ARHGAP6: variants seen among roughly 807,000 people sequenced by gnomAD.
ARHGAP6 encodes the protein rho GTPase-activating protein 6.
ARHGAP6 carries 16 observed loss-of-function variants against 55.7 expected under a neutral mutation model. That is an observed-to-expected ratio of 0.29 (90% CI 0.19 to 0.44). The LOEUF is 0.44. Among genes scored for constraint, ARHGAP6 ranks in the 20% least tolerant of loss-of-function variants. ARHGAP6 has a pLI of 1.00. For missense variants in ARHGAP6, 698 were observed against 808.9 expected, an observed-to-expected ratio of 0.86 and a Z score of 1.66; for synonymous variants, 382 against 360.9, an observed-to-expected ratio of 1.06 and a Z score of -0.66.
Position 11,144,107 on chromosome X carries a change from A to G in ARHGAP6, c.2049T>C (p.Ala683=), listed in dbSNP as rs772945585. ...SPVLSERSLL[A]MQEDAAPGGS... ...CCCCCGGGGCCGCGTCCTCTTGCAT[A>G]GCCAGCAGGGAGCGCTCAGACAGCA... is the stretch of plus-strand genomic sequence containing the variant. The change falls in exon 11 of 13, where the codon GCT becomes GCC. Residue 683 remains alanine, a synonymous_variant. Transcript: ENST00000337414. The G allele has an allele frequency of 5.0e-5, 60 of 1,209,741 alleles. No homozygotes were observed. Among genetic ancestry groups the G allele is most frequent in the Non-Finnish European group, 6.5e-5 (58 of 894,948 alleles).
At chrX:11,249,852 TTA>T (rs2047400271) in intron 2 of ARHGAP6, among the ~76,000 whole-genome samples, 1 of 111,734 alleles carries the variant, frequency 8.9e-6, no homozygotes. Context: ...CTCTCTTTGT[TTA>T]TGTTTTCTGG....
chrX:11,622,221 G>A (rs112231791), intron 1 of ARHGAP6, among the ~76,000 whole-genome samples: 3,418 of 111,903 alleles, frequency 0.031, 70 homozygotes, highest in Middle Eastern at 0.073. Flanking sequence ...TGAAAAACAA[G>A]TGACATTGCT....
intron 1 of ARHGAP6, among the ~76,000 whole-genome samples, chrX:11,511,798 C>T (rs921452697): frequency 5.4e-5 from 6 of 111,066 alleles, no homozygotes; most frequent in African/African-American, 2.0e-4. Context: ...TCACAAGCAG[C>T]CTTGTCCTTT....
At chrX:11,598,748 T>C (rs1238539544) in intron 1 of ARHGAP6, among the ~76,000 whole-genome samples, 1 of 112,207 alleles carries the variant, frequency 8.9e-6, no homozygotes, top group Non-Finnish European at 1.9e-5. Flanking sequence ...TCTAAATACA[T>C]AATTTCCATT....
At chrX:11,363,040 A>T (rs938808375) in intron 1 of ARHGAP6, among the ~76,000 whole-genome samples, 7 of 112,231 alleles carry the variant, frequency 6.2e-5, no homozygotes, top group African/African-American at 1.6e-4. Context: ...GAAGAAAAAA[A>T]ATAAAACCAT....
intron 1 of ARHGAP6, among the ~76,000 whole-genome samples, chrX:11,439,822 A>G (rs2050023035): frequency 8.9e-6 from 1 of 112,532 alleles, no homozygotes; most frequent in Non-Finnish European, 1.9e-5. Flanking sequence ...TGTCTGTAGA[A>G]AGCACCTGCA....
At chrX:11,254,402 G>T in intron 2 of ARHGAP6, 146 bp downstream of exon 2, 1 of 746,055 alleles carries the variant, frequency 1.3e-6, no homozygotes, top group Non-Finnish European at 1.9e-6. Flanking sequence ...CCTTCAAATG[G>T]ACACTAATGC....
intron 1 of ARHGAP6, among the ~76,000 whole-genome samples, chrX:11,326,896 AAAT>A (rs1186698197): frequency 3.6e-5 from 4 of 112,019 alleles, no homozygotes; most frequent in African/African-American, 1.3e-4. Context: ...TTATTTCATT[AAAT>A]AATGCCATGG....
intron 9 of ARHGAP6, among the ~76,000 whole-genome samples, chrX:11,158,855 A>T (rs183930976): frequency 1.8e-5 from 2 of 112,361 alleles, no homozygotes; most frequent in East Asian, 5.6e-4. Context: ...TACAAACCAA[A>T]CAGACAATAA....
At chrX:11,391,874 A>G (rs895715970) in intron 1 of ARHGAP6, among the ~76,000 whole-genome samples, 2 of 111,907 alleles carry the variant, frequency 1.8e-5, no homozygotes, top group East Asian at 5.6e-4. Flanking sequence ...TGCATTTTGC[A>G]ATGTCAACAG....
chrX:11,156,771 G>A (rs1421729394), intron 9 of ARHGAP6, 145 bp from the exon 10 acceptor site: 8 of 449,611 alleles, frequency 1.8e-5, no homozygotes, highest in Middle Eastern at 4.0e-4. Flanking sequence ...CCAAACCTAC[G>A]CCAACCCATG....
chrX:11,429,307 A>G (rs1366572777), intron 1 of ARHGAP6, among the ~76,000 whole-genome samples: 2 of 112,091 alleles, frequency 1.8e-5, no homozygotes, highest in Non-Finnish European at 3.8e-5. Context: ...AATAGGTGTC[A>G]TAACAGTGGT....
intron 1 of ARHGAP6, among the ~76,000 whole-genome samples, chrX:11,418,336 C>T (rs754673302): frequency 1.8e-5 from 2 of 112,113 alleles, no homozygotes; most frequent in South Asian, 3.7e-4. Flanking sequence ...TACTTAGCTG[C>T]AACCATTCCT....
intron 2 of ARHGAP6, among the ~76,000 whole-genome samples, chrX:11,245,836 T>C (rs934319833): frequency 8.9e-5 from 10 of 112,230 alleles, no homozygotes; most frequent in Middle Eastern, 4.6e-3. Flanking sequence ...CAACCTGCTG[T>C]TCTAAGACAA....
At chrX:11,346,160 G>A (rs1030205184) in intron 1 of ARHGAP6, among the ~76,000 whole-genome samples, 3 of 111,317 alleles carry the variant, frequency 2.7e-5, no homozygotes, top group African/African-American at 9.8e-5. Context: ...TGTAGACTGT[G>A]GACAGATAAG....
intron 1 of ARHGAP6, among the ~76,000 whole-genome samples, chrX:11,533,846 T>C (rs1305301337): frequency 8.9e-6 from 1 of 112,309 alleles, no homozygotes; most frequent in African/African-American, 3.2e-5. Context: ...TTACCATATT[T>C]TGTCCAAAAT....
chrX:11,216,514 G>A (rs1257522480), intron 2 of ARHGAP6, among the ~76,000 whole-genome samples: 2 of 111,374 alleles, frequency 1.8e-5, no homozygotes, highest in Non-Finnish European at 3.8e-5. Context: ...TTAGCCAGGC[G>A]TGGTGGCATG....
intron 1 of ARHGAP6, among the ~76,000 whole-genome samples, chrX:11,492,928 G>A (rs1458371734): frequency 1.8e-5 from 2 of 111,469 alleles, no homozygotes; most frequent in African/African-American, 6.5e-5. Context: ...TTCATACTCA[G>A]TTTCACTCCT....
intron 1 of ARHGAP6, among the ~76,000 whole-genome samples, chrX:11,352,254 C>T (rs1303286888): frequency 1.8e-5 from 2 of 111,887 alleles, no homozygotes; most frequent in Non-Finnish European, 3.8e-5. Flanking sequence ...CACACAAAGA[C>T]AGCTAACAAT....
Sources: gnomAD v4.1 joint callset for allele counts (sites outside exome capture counted in the v4.1 genomes callset) on GRCh38, gnomAD v4.1.1 for gene constraint, MANE v1.5 for transcripts, NCBI Gene and HGNC (gene_info 2026-07-23, HGNC 2026-07-21) for gene names.